The following SMYD4 variants were observed in gnomAD, a reference collection of about 807,000 sequenced individuals.
SMYD4 encodes SET and MYND domain containing 4.
A neutral mutation model predicts 72.8 loss-of-function variants in SMYD4; 68 were observed. The observed-to-expected ratio is 0.93, with a 90% CI of 0.77 to 1.14. The LOEUF (loss-of-function observed/expected upper bound fraction) is 1.14, where lower values mean the gene tolerates loss of function less well. Among genes scored for constraint, SMYD4 ranks in the 50% most tolerant of loss-of-function variants. The pLI is 0.00. For missense variants in SMYD4, 984 were observed against 1,003.7 expected (o/e 0.98, Z 0.27); for synonymous variants, 407 against 388.6 (o/e 1.05, Z -0.56).
intron 2 of SMYD4, among the ~76,000 whole-genome samples, chr17:1,815,399 T>C (rs1022240262): frequency 2.0e-5 from 3 of 151,940 alleles, no homozygotes; most frequent in Non-Finnish European, 4.4e-5. Flanking sequence ...GATGTCTCAA[T>C]ACCTTGCCCA....
rs1304147104 is a variant in SMYD4 at position 1,781,341 on chromosome 17, T to G, written c.2360A>C (p.Lys787Thr). 1.2e-6 allele frequency: 2 copies of G among 1,613,944 alleles called. No individual in the cohort carries two copies. The highest frequency in any genetic ancestry group is 1.7e-6 in the Non-Finnish European group (2 of 1,180,040). ...TAAGTCCAACAAACAGGATTTCATC[T>G]TCTGGAGCTCCTGGATTTCATCGTC... ...PWDDEIQELQKMKSCLLDLPP... is the reference protein window; with the variant it reads ...PWDDEIQELQTMKSCLLDLPP... Residue 787 changes from lysine (K) to threonine (T), a missense_variant, in exon 11 of 11, where the codon AAG becomes ACG. By Grantham distance (78) the Lys-to-Thr change is moderately conservative (BLOSUM62 -1). Transcript: ENST00000305513.
chr17:1,800,709 A>C lies in SMYD4; in HGVS notation c.685T>G (p.Ser229Ala). ...AAGCCGATGGATGATGAGGCATTGG[A>C]AAGTTGTTCATTCTCCTCCCTCAGC... ...AALREENEQLSNASSSIGLCV... is the reference protein window; with the variant it reads ...AALREENEQLANASSSIGLCV... Residue 229 changes from serine (S) to alanine (A), a missense_variant, in exon 5 of 11, where the codon TCC becomes GCC. Coordinates refer to ENST00000305513, the MANE Select transcript of SMYD4 (RefSeq NM_052928.3). The C allele has an allele frequency of 6.2e-7, 1 of 1,614,170 alleles. No individual in the cohort carries two copies. Among genetic ancestry groups the C allele is most frequent in the African/African-American group, 1.3e-5 (1 of 75,050 alleles).
At chr17:1,801,792 T>C (rs947582005) in intron 4 of SMYD4, among the ~76,000 whole-genome samples, 1 of 151,310 alleles carries the variant, frequency 6.6e-6, no homozygotes, top group Non-Finnish European at 1.5e-5. Context: ...CTGGCTAACA[T>C]GGTGAAACCC....
rs764580707 is a variant in SMYD4 at position 1,800,785 on chromosome 17, A to G, written c.609T>C (p.Ser203=). ...RLKMKMQEKD[S]LTESFPAALA... ...GAGCTGCTGGGAAGCTTTCTGTGAG[A>G]CTGTCCTTTTCTTGCATCTTCATTT... is the stretch of plus-strand genomic sequence containing the variant. Residue 203 remains serine (S), a synonymous_variant, in exon 5 of 11, where the codon AGT becomes AGC. Coordinates refer to ENST00000305513, the MANE Select transcript of SMYD4 (RefSeq NM_052928.3). The G allele has an allele frequency of 6.2e-7, 1 of 1,614,152 alleles. No homozygotes were observed. Among genetic ancestry groups the G allele is most frequent in the Non-Finnish European group, 8.5e-7 (1 of 1,180,014 alleles).
At chr17:1,815,634 G>C (rs1174706305) in intron 2 of SMYD4, among the ~76,000 whole-genome samples, 1 of 147,174 alleles carries the variant, frequency 6.8e-6, no homozygotes, top group East Asian at 2.0e-4. Flanking sequence ...CTCCAGCCCA[G>C]TCAGCACAGC....
intron 3 of SMYD4, among the ~76,000 whole-genome samples, chr17:1,810,382 C>G (rs911583606): frequency 5.9e-5 from 9 of 152,034 alleles, no homozygotes; most frequent in African/African-American, 1.9e-4. Flanking sequence ...ACTAAAAATA[C>G]AAAAATTAGC....
chr17:1,783,740 T>C, intron 8 of SMYD4: 1 of 525,448 alleles, frequency 1.9e-6, no homozygotes. Flanking sequence ...CGACCAACTC[T>C]ACCTTTCACG....
chr17:1,784,281 T>G, intron 8 of SMYD4, 45 bp downstream of exon 8: 2 of 1,611,754 alleles, frequency 1.2e-6, no homozygotes, highest in South Asian at 1.1e-5. Flanking sequence ...TCAGAACAAA[T>G]AAAAGGGAAG....
In SMYD4 at chr17:1,784,373, T is replaced by A; in HGVS notation, c.1973A>T (p.Gln658Leu). The change falls in exon 8 of 11, where the codon CAG (glutamine) becomes CTG (leucine). Residue 658 changes from glutamine (Q) to leucine (L), a missense_variant. By Grantham distance (113) the Gln-to-Leu change is moderately radical (BLOSUM62 -2). Coordinates refer to ENST00000305513, the MANE Select transcript of SMYD4 (RefSeq NM_052928.3). ...CTTCTGGGCCACTCTGACCTGCTGC[T>A]GTAGGTCCTGTAACCGAGAGACCAG... Reference protein sequence around the residue: ...DHLVSRLQDLQQQVRVAQKLL... With the variant: ...DHLVSRLQDLLQQVRVAQKLL... 2 of 1,614,246 alleles carry A rather than the reference T, an allele frequency of 1.2e-6. No homozygotes were observed. Among genetic ancestry groups the A allele is most frequent in the Non-Finnish European group, 1.7e-6 (2 of 1,180,042 alleles).
At chr17:1,783,987 A>G (rs1250367160) in intron 8 of SMYD4, 2 of 317,292 alleles carry the variant, frequency 6.3e-6, no homozygotes, top group Non-Finnish European at 1.2e-5. Flanking sequence ...AAGTTACATC[A>G]CTAGGCCCTG....
At chr17:1,825,103 G>C (rs1257492731) in intron 2 of SMYD4, among the ~76,000 whole-genome samples, 3 of 152,148 alleles carry the variant, frequency 2.0e-5, no homozygotes, top group African/African-American at 7.2e-5. Flanking sequence ...ACCCAGTCTT[G>C]GGTATTTCTT....
rs566132939 is a variant in SMYD4, at chr17:1,818,384, G to A, written c.135-6269C>T. ...GCATCATTTTTTCTCTAAGCCATTT[G>A]AAAGTAAGTACAGGCATCATGGATG... is the stretch of plus-strand genomic sequence containing the variant. On this transcript the variant is annotated intron_variant, in intron 2 of 10. Transcript: ENST00000305513. 3.3e-5 allele frequency among the ~76,000 whole-genome samples: 5 copies of A among 152,252 alleles called. No individual in the cohort carries two copies. In the South Asian group the frequency reaches 1.0e-3, roughly 32 times the overall value.
intron 5 of SMYD4, among the ~76,000 whole-genome samples, chr17:1,792,616 G>A (rs1225033587): frequency 3.9e-5 from 6 of 152,102 alleles, no homozygotes; most frequent in African/African-American, 1.4e-4. Context: ...ACTCCAGCCT[G>A]GGCAACAGAC....
intron 3 of SMYD4, among the ~76,000 whole-genome samples, chr17:1,810,119 T>C (rs1910253031): frequency 6.6e-6 from 1 of 152,072 alleles, no homozygotes; most frequent in Admixed American, 6.6e-5. Context: ...ACTAATTCTA[T>C]CAAGCTAACA....
At chr17:1,783,534 G>A (rs1301643719) in intron 8 of SMYD4, 58 bp from the exon 9 acceptor site, 1 of 1,548,306 alleles carries the variant, frequency 6.5e-7, no homozygotes, top group African/African-American at 1.4e-5. Context: ...CTAGGAATGA[G>A]AATCCAGGTC....
At chr17:1,801,135 C>A (rs914100291) in intron 4 of SMYD4, 111 bp from the exon 5 acceptor site, 15 of 927,442 alleles carry the variant, frequency 1.6e-5, no homozygotes, top group Non-Finnish European at 2.4e-5. Context: ...AAAAATGGAA[C>A]AATTACAACC....
chr17:1,787,074 T>C (rs1908734913), intron 6 of SMYD4, 101 bp from the exon 7 acceptor site: 3 of 1,411,146 alleles, frequency 2.1e-6, no homozygotes, highest in African/African-American at 1.4e-5. Flanking sequence ...TTACCTATCA[T>C]GTGACAGCTA....
At chr17:1,795,139 G>A (rs1597375074) in intron 5 of SMYD4, among the ~76,000 whole-genome samples, 1 of 152,246 alleles carries the variant, frequency 6.6e-6, no homozygotes, top group East Asian at 1.9e-4. Flanking sequence ...ACAGGCTGGA[G>A]CAGTTTACAC....
chr17:1,828,225 C>A (rs1247082919), intron 1 of SMYD4, among the ~76,000 whole-genome samples: 1 of 151,812 alleles, frequency 6.6e-6, no homozygotes, highest in Admixed American at 6.6e-5. Context: ...GTGGCGCACA[C>A]TTGTAGTCCC....
Sources: allele counts gnomAD v4.1 joint callset (sites outside exome capture counted in the v4.1 genomes callset), GRCh38; gene constraint gnomAD v4.1.1; transcripts MANE v1.5; gene names NCBI Gene and HGNC (gene_info 2026-07-23, HGNC 2026-07-21).